TYK2: variants seen among roughly 807,000 people sequenced by gnomAD.
The protein encoded by TYK2 is tyrosine kinase 2, also known as non-receptor tyrosine-protein kinase TYK2.
A neutral mutation model predicts 130.9 loss-of-function variants in TYK2; 65 were observed. That is an observed-to-expected ratio of 0.50 (90% CI 0.41 to 0.61). The LOEUF is 0.61. Ranked by LOEUF, TYK2 falls within the 20% of genes least tolerant of loss-of-function variation. The pLI, the probability that TYK2 is intolerant of heterozygous loss-of-function variation, is 0.00. For missense variants in TYK2, 1,378 were observed against 1,610.7 expected (o/e 0.86, Z 2.47); for synonymous variants, 647 against 658.9 (o/e 0.98, Z 0.28).
chr19:10,377,545 TGGGTGG>T (rs2042180294), intron 3 of TYK2, among the ~76,000 whole-genome samples: 1 of 68,936 alleles, frequency 1.5e-5, no homozygotes, highest in African/African-American at 5.8e-5. Flanking sequence ...GATGGATGGA[TGGGTGG>T]GTGGGTGGAT....
rs2145187614 is a variant in TYK2 at position 10,358,141 on chromosome 19, G to A, written c.2176-3C>T. Reference sequence around the variant, plus strand: ...CCATGAACCAGGTTCTTGTTCTCCTGAGGTGGGCAGGAGAGGGGGTGTGGC... The same window carrying A: ...CCATGAACCAGGTTCTTGTTCTCCTAAGGTGGGCAGGAGAGGGGGTGTGGC... On this transcript the variant is annotated splice_region_variant and splice_polypyrimidine_tract_variant and intron_variant, in intron 15 of 24. Coordinates refer to ENST00000525621, the MANE Select transcript of TYK2 (RefSeq NM_003331.5). 1.9e-6 allele frequency: 3 copies of A among 1,604,644 alleles called. No individual in the cohort carries two copies. The South Asian group carries it at 3.3e-5, about 18-fold the overall frequency.
rs774416670 is a variant in TYK2 at position 10,361,554 on chromosome 19, C to T, written c.2004G>A (p.Thr668=). The change falls in exon 14 of 25, where the codon ACG becomes ACA. Residue 668 remains threonine (T), a synonymous_variant. Transcript: ENST00000525621. The surrounding 1 kb of genome is among the most constrained non-coding windows in gnomAD (Gnocchi z 4.0). Reference sequence around the variant, plus strand: ...AGACGCCATGCACGAAGGCCAGGTGCGTGTGGGAGACCTGGCTCATGAGGC... The same window carrying T: ...AGACGCCATGCACGAAGGCCAGGTGTGTGTGGGAGACCTGGCTCATGAGGC... ...TASLMSQVSH[T]HLAFVHGVCV... 18 of 1,547,890 alleles carry T rather than the reference C, an allele frequency of 1.2e-5. No individual in the cohort carries two copies. The highest frequency in any genetic ancestry group is 9.6e-5 in the African/African-American group (7 of 72,964).
At chr19:10,359,459 G>A (rs1343255627) in intron 14 of TYK2, among the ~76,000 whole-genome samples, 157 bp from the exon 15 acceptor site, 1 of 152,198 alleles carries the variant, frequency 6.6e-6, no homozygotes, top group Non-Finnish European at 1.5e-5. Context: ...AGTGAGTTTG[G>A]GGAGAGAAGA....
rs1282974770 is a variant in TYK2 at position 10,380,184 on chromosome 19, G to T, written c.-186+196C>A. 3.9e-5 allele frequency among the ~76,000 whole-genome samples: 6 copies of T among 152,376 alleles called. No homozygotes were observed. The South Asian group carries it at 6.2e-4, about 16-fold the overall frequency. ...GCCATTAATACCTATTCATGTTATA[G>T]ATGAGATCCCGGGGATGGGGCTTTC... On this transcript the variant is annotated intron_variant, in intron 1 of 24. Transcript: ENST00000525621.
chr19:10,354,339 C>A lies in TYK2; in HGVS notation c.2716-105G>T, dbSNP rs2040972387. On this transcript the variant is annotated intron_variant, in intron 19 of 24. Coordinates refer to ENST00000525621, the MANE Select transcript of TYK2 (RefSeq NM_003331.5). ...CCTCCAGGCAGATCCTTTCGGAATA[C>A]CCCAGGCCCCGCCTACTCCGCTCTA... 5.5e-6 allele frequency: 8 copies of A among 1,442,576 alleles called. No homozygotes were observed. The Admixed American group carries it at 1.3e-4, about 23-fold the overall frequency. The allele number at this position is 1,442,576 out of a possible 1,614,324, so 89.4% of individuals were successfully genotyped here.
At position 10,361,678 on chromosome 19, in the gene TYK2, C is replaced by T. The variant is rs2041410157; in HGVS notation, c.1960-80G>A. 6.6e-7 allele frequency: 1 copy of T among 1,514,230 alleles called. No individual in the cohort carries two copies. The highest frequency in any genetic ancestry group is 9.1e-7 in the Non-Finnish European group (1 of 1,103,802). The allele number at this position is 1,514,230 out of a possible 1,614,324, so 93.8% of individuals were successfully genotyped here. The stretch of plus-strand genomic sequence containing the variant: ...TCCTCCACGGACACACCCCTCCCAT[C>T]CCACCTCCTCCACAGACACACCCCT... On this transcript the variant is annotated intron_variant, in intron 13 of 24. Coordinates refer to ENST00000525621, the MANE Select transcript of TYK2 (RefSeq NM_003331.5). The surrounding 1 kb of genome is among the most constrained non-coding windows in gnomAD (Gnocchi z 4.0).
intron 3 of TYK2, among the ~76,000 whole-genome samples, chr19:10,372,183 C>A (rs12720234): frequency 6.6e-6 from 1 of 150,758 alleles, no homozygotes; most frequent in Non-Finnish European, 1.5e-5. Flanking sequence ...TTAGTAGAGA[C>A]GGGGTTTCAC....
At position 10,359,192 on chromosome 19, in the gene TYK2, T is replaced by C; in HGVS notation, c.2158A>G (p.Ser720Gly). 1 of 1,604,754 alleles carries C rather than the reference T, an allele frequency of 6.2e-7. No homozygotes were observed. The highest frequency in any genetic ancestry group is 8.5e-7 in the Non-Finnish European group (1 of 1,179,858). ...WKMVVAQQLASALSYLENKNL... is the reference protein window; with the variant it reads ...WKMVVAQQLAGALSYLENKNL... ...CCACACACCAGGTAGCTGAGGGCGC[T>C]GGCCAGCTGCTGGGCCACCACCATC... Residue 720 changes from serine (S) to glycine (G), a missense_variant, in exon 15 of 25, where the codon AGC becomes GGC. By Grantham distance (56) the Ser-to-Gly change is moderately conservative. Transcript: ENST00000525621.
At chr19:10,374,089 A>G (rs1431709641) in intron 3 of TYK2, among the ~76,000 whole-genome samples, 1 of 151,894 alleles carries the variant, frequency 6.6e-6, no homozygotes, top group Non-Finnish European at 1.5e-5. Context: ...GCACAGTGAA[A>G]CCCTGTCTCT....
In TYK2 at chr19:10,354,178, G is replaced by A. The variant is rs1259450677; in HGVS notation, c.2772C>T (p.Gly924=). The A allele has an allele frequency of 3.1e-6, 5 of 1,613,738 alleles. No individual in the cohort carries two copies. In the African/African-American group the frequency reaches 5.3e-5, roughly 17 times the overall value. The change falls in exon 20 of 25, where the codon GGC becomes GGT. Residue 924 remains glycine, a synonymous_variant. Coordinates refer to ENST00000525621, the MANE Select transcript of TYK2 (RefSeq NM_003331.5). The part of the protein sequence containing the change: ...YCYDPTNDGT[G]EMVAVKALKA... ...TGAGGGCTTTCACCGCCACCATCTC[G>A]CCAGTGCCGTCGTTGGTCGGATCGT...
At position 10,357,852 on chromosome 19, in the gene TYK2, G is replaced by A; in HGVS notation, c.2378C>T (p.Thr793Ile). The A allele has an allele frequency of 6.2e-7, 1 of 1,613,628 alleles. No homozygotes were observed. The highest frequency in any genetic ancestry group is 1.3e-5 in the African/African-American group (1 of 75,058). ...GCCAAACCCCCACTTGTCCATGGCG[G>A]TGCTTAGGCTGTTGGCCCCACCTGG... ...CLPGGANSLSTAMDKWGFGAT... is the reference protein window; with the variant it reads ...CLPGGANSLSIAMDKWGFGAT... Residue 793 changes from threonine (T) to isoleucine (I), a missense_variant, in exon 17 of 25, where the codon ACC becomes ATC. Coordinates refer to ENST00000525621, the MANE Select transcript of TYK2 (RefSeq NM_003331.5).
Position 10,353,396 on chromosome 19 carries a change from A to G in TYK2, c.3027+132T>C, listed in dbSNP as rs561392136. On this transcript the variant is annotated intron_variant, in intron 21 of 24. Transcript: ENST00000525621. This position sits in a 1 kb window ranked among gnomAD's most constrained non-coding sequence, Gnocchi z 6.9. ...AAGCAAGCCAAACAGTTCGGAGGTCAGTGCAAGGACAAGACAGCCTGGGCA... is the reference window on the plus strand; with the variant it reads ...AAGCAAGCCAAACAGTTCGGAGGTCGGTGCAAGGACAAGACAGCCTGGGCA... 6 of 663,168 alleles carry G rather than the reference A, an allele frequency of 9.0e-6. No individual in the cohort carries two copies. In the African/African-American group the frequency reaches 9.2e-5, roughly 10 times the overall value. The allele number at this position is 663,168 out of a possible 1,614,324, so 41.1% of individuals were successfully genotyped here.
intron 3 of TYK2, among the ~76,000 whole-genome samples, chr19:10,373,009 A>G (rs187266852): frequency 6.6e-6 from 1 of 150,416 alleles, no homozygotes; most frequent in Non-Finnish European, 1.5e-5. Context: ...GACTACAGGC[A>G]TGTGCCACCA....
chr19:10,370,151 CAGG>C (rs1293699640), intron 3 of TYK2, among the ~76,000 whole-genome samples: 1 of 151,766 alleles, frequency 6.6e-6, no homozygotes, highest in Non-Finnish European at 1.5e-5. Flanking sequence ...CACTTGAGGT[CAGG>C]AGTTCGAGAC....
Position 10,356,590 on chromosome 19 carries a change from G to A in TYK2, c.2595C>T (p.Asp865=). The A allele has an allele frequency of 1.2e-6, 2 of 1,613,612 alleles. No homozygotes were observed. ...QRPSFRTILR[D]LTRLQPHNLA... ...CACTGTGGGGCTGCAGCCGGGTGAG[G>A]TCACGCAGGATGGTGCGGAATGATG... The change falls in exon 18 of 25, where the codon GAC becomes GAT. Residue 865 remains aspartate (D), a synonymous_variant. Coordinates refer to ENST00000525621, the MANE Select transcript of TYK2 (RefSeq NM_003331.5).
At chr19:10,373,800 A>G (rs2042009782) in intron 3 of TYK2, among the ~76,000 whole-genome samples, 1 of 152,110 alleles carries the variant, frequency 6.6e-6, no homozygotes, top group Non-Finnish European at 1.5e-5. Context: ...TTTGCCTGCT[A>G]TGCCCCAATT....
At chr19:10,355,096 C>T (rs1430616240) in intron 18 of TYK2, among the ~76,000 whole-genome samples, 1 of 150,850 alleles carries the variant, frequency 6.6e-6, no homozygotes, top group Non-Finnish European at 1.5e-5. Context: ...CTGGAAGTTC[C>T]GAGATTGGGT....
chr19:10,350,997 GC>G (rs1206757669), intron 24 of TYK2, 29 bp from the exon 25 acceptor site: 3 of 1,614,042 alleles, frequency 1.9e-6, no homozygotes. Flanking sequence ...GCTGGTGGGG[GC>G]TGCCCTCTCC....
At chr19:10,352,303 A>C (rs1599325284) in intron 23 of TYK2, 131 bp downstream of exon 23, 1 of 719,304 alleles carries the variant, frequency 1.4e-6, no homozygotes, top group Non-Finnish European at 2.5e-6. Flanking sequence ...CGATCTCCTG[A>C]CCTCGTGATC....
Sources: gnomAD v4.1 joint callset for allele counts (sites outside exome capture counted in the v4.1 genomes callset) on GRCh38, gnomAD v4.1.1 for gene constraint, Gnocchi (gnomAD v3.1) non-coding constraint, MANE v1.5 for transcripts, NCBI Gene and HGNC (gene_info 2026-07-23, HGNC 2026-07-21) for gene names.